Variants in XKR4 observed in about 807,000 individuals in gnomAD.
XKR4 encodes the protein XK related 4.
In XKR4, 12 loss-of-function variants were observed where a neutral mutation model predicts 53.9. The observed-to-expected ratio is 0.22, with a 90% confidence interval of 0.14 to 0.36. The LOEUF is 0.36. Among genes scored for constraint, XKR4 ranks in the 10% least tolerant of loss-of-function variants. The pLI, the probability that XKR4 is intolerant of heterozygous loss-of-function variation, is 1.00. For synonymous variants in XKR4, 354 were observed against 362.4 expected, an observed-to-expected ratio of 0.98 and a Z score of 0.26; for missense variants, 799 against 859.5, an observed-to-expected ratio of 0.93 and a Z score of 0.88.
At chr8:55,457,740 C>T (rs1270605200) in intron 2 of XKR4, among the ~76,000 whole-genome samples, 2 of 152,104 alleles carry the variant, frequency 1.3e-5, no homozygotes, top group East Asian at 3.8e-4. Flanking sequence ...ACTTACTTTC[C>T]TTTTGAAAAT....
chr8:55,460,915 T>C (rs2658895), intron 2 of XKR4, among the ~76,000 whole-genome samples: 45,708 of 152,114 alleles, frequency 0.3, 7,110 homozygotes, highest in Non-Finnish European at 0.34. Flanking sequence ...AACTGCAAGG[T>C]GGCAGCGAGG....
chr8:55,208,609 G>A (rs1817682094), intron 1 of XKR4, among the ~76,000 whole-genome samples: 1 of 151,996 alleles, frequency 6.6e-6, no homozygotes, highest in South Asian at 2.1e-4. Flanking sequence ...TAGGAGTACA[G>A]GCGCCCACCA....
intron 1 of XKR4, among the ~76,000 whole-genome samples, chr8:55,167,815 G>T (rs537686197): frequency 6.6e-6 from 1 of 152,298 alleles, no homozygotes; most frequent in African/African-American, 2.4e-5. Flanking sequence ...GAGCTTGGGG[G>T]ACTCCAACAT....
At chr8:55,342,612 A>G (rs1225482056) in intron 1 of XKR4, among the ~76,000 whole-genome samples, 1 of 152,018 alleles carries the variant, frequency 6.6e-6, no homozygotes, top group African/African-American at 2.4e-5. Flanking sequence ...CCTGGAATGG[A>G]CCACACACAC....
At chr8:55,521,728 TA>T (rs1806800721) in intron 2 of XKR4, among the ~76,000 whole-genome samples, 1 of 152,238 alleles carries the variant, frequency 6.6e-6, no homozygotes, top group African/African-American at 2.4e-5. Flanking sequence ...CAGAAATAAT[TA>T]TTGGGGTTGA....
intron 1 of XKR4, among the ~76,000 whole-genome samples, chr8:55,123,702 C>G (rs149514366): frequency 1.3e-5 from 2 of 152,212 alleles, no homozygotes; most frequent in Non-Finnish European, 2.9e-5. Context: ...GCCTCGGACA[C>G]GTGCCTCTAT....
At position 55,165,813 on chromosome 8, in the gene XKR4, AAAAAAGAAAAAAAAAG is replaced by A. The variant is rs1484639741; in HGVS notation, c.806+62530_806+62545del. On this transcript the variant is annotated intron_variant, in intron 1 of 2. Coordinates refer to ENST00000327381, the MANE Select transcript of XKR4 (RefSeq NM_052898.2). ...GAGCAAGACTCCGTCTCAAAAAAAA[AAAAAAGAAAAAAAAAG>A]AAAAAGAAAATTCATGAAATATGGT... Among the ~76,000 whole-genome samples the A allele has an allele frequency of 1.2e-4, 18 of 151,968 alleles. No homozygotes were observed. The East Asian group carries it at 3.5e-3, about 29-fold the overall frequency.
intron 2 of XKR4, chr8:55,454,333 G>C (rs1805518017): frequency 6.7e-7 from 1 of 1,502,812 alleles, no homozygotes; most frequent in African/African-American, 1.4e-5. Context: ...TGGGTGTGCT[G>C]AGGGCCTCCA....
At chr8:55,478,932 C>T (rs1026422998) in intron 2 of XKR4, among the ~76,000 whole-genome samples, 2 of 152,092 alleles carry the variant, frequency 1.3e-5, no homozygotes, top group African/African-American at 2.4e-5. Context: ...GAGACTTAGA[C>T]TCCCACACAA....
intron 1 of XKR4, among the ~76,000 whole-genome samples, chr8:55,136,923 C>A (rs927699332): frequency 1.3e-5 from 2 of 152,164 alleles, no homozygotes; most frequent in Non-Finnish European, 2.9e-5. Context: ...CATTCAAAGG[C>A]ACCCATCTTT....
chr8:55,351,967 A>T (rs146777712), intron 1 of XKR4, among the ~76,000 whole-genome samples: 1 of 152,364 alleles, frequency 6.6e-6, no homozygotes, highest in African/African-American at 2.4e-5. Context: ...CCATAAAAGG[A>T]TGCATGTTAA....
chr8:55,489,430 A>G (rs969002487), intron 2 of XKR4, among the ~76,000 whole-genome samples: 1 of 152,304 alleles, frequency 6.6e-6, no homozygotes, highest in South Asian at 2.1e-4. Flanking sequence ...TGTTAAGAAC[A>G]ATAGTTACAA....
intron 1 of XKR4, among the ~76,000 whole-genome samples, chr8:55,227,997 C>G (rs1442437341): frequency 1.3e-5 from 2 of 152,198 alleles, no homozygotes; most frequent in Non-Finnish European, 2.9e-5. Flanking sequence ...GCCTCTGCCT[C>G]CTGGGCTCCA....
chr8:55,368,148 A>G (rs924442049), intron 2 of XKR4, among the ~76,000 whole-genome samples: 1 of 151,970 alleles, frequency 6.6e-6, no homozygotes, highest in Non-Finnish European at 1.5e-5. Flanking sequence ...TTTAGTAAAG[A>G]CGGTGTTTCA....
chr8:55,176,366 C>T (rs1042802953), intron 1 of XKR4, among the ~76,000 whole-genome samples: 3 of 152,208 alleles, frequency 2.0e-5, no homozygotes, highest in Admixed American at 1.3e-4. Context: ...GGTCCCCAGC[C>T]GCTGCCTCCA....
intron 1 of XKR4, among the ~76,000 whole-genome samples, chr8:55,307,836 T>C (rs966329340): frequency 2.0e-5 from 3 of 152,172 alleles, no homozygotes; most frequent in African/African-American, 7.2e-5. Flanking sequence ...TCCAGATCAC[T>C]TATACATTGC....
intron 1 of XKR4, among the ~76,000 whole-genome samples, chr8:55,137,286 G>C (rs930571821): frequency 6.6e-6 from 1 of 152,060 alleles, no homozygotes; most frequent in Non-Finnish European, 1.5e-5. Flanking sequence ...AAATTCCTTG[G>C]AGGCCTTTCA....
chr8:55,328,447 C>T (rs1325213290), intron 1 of XKR4, among the ~76,000 whole-genome samples: 1 of 152,146 alleles, frequency 6.6e-6, no homozygotes, highest in Admixed American at 6.5e-5. Flanking sequence ...GATGCATCTC[C>T]TCACTCCCCA....
intron 1 of XKR4, among the ~76,000 whole-genome samples, chr8:55,132,392 C>A (rs1816568312): frequency 6.6e-6 from 1 of 152,200 alleles, no homozygotes; most frequent in African/African-American, 2.4e-5. Flanking sequence ...CGTATATATA[C>A]TGTTTTTCCC....
Sources: allele counts gnomAD v4.1 joint callset (sites outside exome capture counted in the v4.1 genomes callset), GRCh38; gene constraint gnomAD v4.1.1; transcripts MANE v1.5; gene names NCBI Gene and HGNC (gene_info 2026-07-23, HGNC 2026-07-21).